Variants in VPS35 observed in about 807,000 individuals in gnomAD.
VPS35 encodes the protein VPS35 retromer complex component.
A neutral mutation model predicts 98.1 loss-of-function variants in VPS35; 21 were observed. The observed-to-expected ratio is 0.21, with a 90% CI of 0.15 to 0.31. VPS35 has a LOEUF of 0.31. VPS35 is among the 10% of genes least tolerant of loss of function. The pLI, the probability that VPS35 is intolerant of heterozygous loss-of-function variation, is 1.00. For synonymous variants in VPS35, 268 were observed against 318.2 expected (o/e 0.84, Z 1.68); for missense variants, 554 against 950.8 (o/e 0.58, Z 5.49).
chr16:46,688,491 G>A, intron 1 of VPS35: 1 of 987,538 alleles, frequency 1.0e-6, no homozygotes, highest in Non-Finnish European at 1.2e-6. Context: ...TGCGCCCAAT[G>A]CACAAATGCT....
chr16:46,660,189 GTGT>G lies in VPS35; in HGVS notation c.*280_*282del, dbSNP rs1567466776. 6 of 98,308 alleles carry G rather than the reference GTGT, an allele frequency of 6.1e-5. No homozygotes were observed. Among genetic ancestry groups the G allele is most frequent in the Admixed American group, 1.4e-4 (1 of 7,184 alleles). 6.1% of individuals were successfully genotyped at this position (98,308 alleles called of 1,614,324 possible). Reference sequence around the variant, plus strand: ...GCCAAGATAAGTGCTTGTGGGTTTTGTGTTTTTTTTTTTTTTTTTTTTTACAGA... The same window carrying G: ...GCCAAGATAAGTGCTTGTGGGTTTTGTTTTTTTTTTTTTTTTTTTTACAGA... On this transcript the variant is annotated 3_prime_UTR_variant, in exon 17 of 17. Coordinates refer to ENST00000299138, the MANE Select transcript of VPS35 (RefSeq NM_018206.6).
Position 46,660,135 on chromosome 16 carries a change from A to G in VPS35, c.*337T>C. On this transcript the variant is annotated 3_prime_UTR_variant, in exon 17 of 17. Transcript: ENST00000299138. ...ACAATCAACAATGAAGCAAACAAAC[A>G]AACAAAAAAAAGGAGAGCTTCATTA... The G allele has an allele frequency of 4.7e-6, 1 of 213,288 alleles. No individual in the cohort carries two copies. Among genetic ancestry groups the G allele is most frequent in the Non-Finnish European group, 9.4e-6 (1 of 106,580 alleles). The allele number at this position is 213,288 out of a possible 1,614,324, so 13.2% of individuals were successfully genotyped here. A position where few individuals can be genotyped will look rare whatever the true frequency, so the allele number is the denominator to read the frequency against.
chr16:46,675,246 C>G (rs1389391578), intron 8 of VPS35, among the ~76,000 whole-genome samples: 1 of 151,924 alleles, frequency 6.6e-6, no homozygotes, highest in African/African-American at 2.4e-5. Flanking sequence ...ATTAAAGTGA[C>G]AAATGTATTC....
chr16:46,665,062 C>A (rs2143006275), intron 13 of VPS35, among the ~76,000 whole-genome samples: 1 of 152,258 alleles, frequency 6.6e-6, no homozygotes, highest in African/African-American at 2.4e-5. Flanking sequence ...TATTTTAACA[C>A]CCTACTTACA....
intron 12 of VPS35, among the ~76,000 whole-genome samples, chr16:46,669,666 CAAAAAAAA>C (rs949838651): frequency 8.2e-5 from 5 of 60,746 alleles, no homozygotes; most frequent in Non-Finnish European, 1.3e-4. Context: ...GATTCCATCT[CAAAAAAAA>C]AAAAAAAGAA....
In VPS35 at chr16:46,662,294, G is replaced by T. The variant is rs746999621; in HGVS notation, c.2016C>A (p.Thr672=). The stretch of plus-strand genomic sequence containing the variant: ...TGCCAGACCAGAAGAGATGTGCACA[G>T]GTGCTCACAGCTCGGCCCTGATCAG... The part of the protein sequence containing the change: ...KKPDQGRAVS[T]CAHLFWSGRN... The change falls in exon 15 of 17, where the codon ACC becomes ACA. Residue 672 remains threonine, a synonymous_variant. Coordinates refer to ENST00000299138, the MANE Select transcript of VPS35 (RefSeq NM_018206.6). 1 of 1,614,156 alleles carries T rather than the reference G, an allele frequency of 6.2e-7. No homozygotes were observed. The highest frequency in any genetic ancestry group is 1.1e-5 in the South Asian group (1 of 91,074).
At chr16:46,680,541 C>A in intron 5 of VPS35, 130 bp downstream of exon 5, 1 of 971,712 alleles carries the variant, frequency 1.0e-6, no homozygotes, top group Non-Finnish European at 1.6e-6. Flanking sequence ...AATCTATATA[C>A]AAATGCTACC....
In VPS35 at chr16:46,661,008, G is replaced by C. The variant is rs893683406; in HGVS notation, c.2212-357C>G. On this transcript the variant is annotated intron_variant, in intron 16 of 16. Transcript: ENST00000299138. The surrounding 1 kb of genome is among the most constrained non-coding windows in gnomAD (Gnocchi z 4.3). Reference sequence around the variant, plus strand: ...GTAATAATACAAAAATTAGCTGGGCGTGGTGCCGGGCGCCTATAATACCAG... The same window carrying C: ...GTAATAATACAAAAATTAGCTGGGCCTGGTGCCGGGCGCCTATAATACCAG... The C allele has an allele frequency of 2.8e-6, 1 of 359,786 alleles. No individual in the cohort carries two copies. The highest frequency in any genetic ancestry group is 2.1e-5 in the African/African-American group (1 of 46,756). The allele number at this position is 359,786 out of a possible 1,614,324, so 22.3% of individuals were successfully genotyped here.
At chr16:46,663,564 AGGGGCGGGGTTTCACCAAGT>A (rs754782966) in intron 13 of VPS35, among the ~76,000 whole-genome samples, 9 of 151,230 alleles carry the variant, frequency 6.0e-5, no homozygotes, top group East Asian at 3.9e-4. Context: ...TATTTTTAGT[AGGGGCGGGGTTTCACCAAGT>A]GGGGCGGGGT....
intron 10 of VPS35, chr16:46,673,506 A>G (rs960443280): frequency 6.6e-6 from 1 of 152,430 alleles, no homozygotes; most frequent in African/African-American, 2.4e-5. Context: ...GACCCAAGCC[A>G]GAGCAGTGGG....
At chr16:46,686,867 C>T (rs891199758) in intron 1 of VPS35, among the ~76,000 whole-genome samples, 7 of 152,304 alleles carry the variant, frequency 4.6e-5, no homozygotes, top group African/African-American at 1.7e-4. Context: ...TAGCTTGAGA[C>T]CCACAAACAG....
intron 1 of VPS35, chr16:46,688,204 T>C (rs1250086613): frequency 6.6e-6 from 4 of 605,778 alleles, no homozygotes; most frequent in African/African-American, 4.0e-5. Context: ...GAAGCCTATC[T>C]ACACAGAGTG....
intron 10 of VPS35, among the ~76,000 whole-genome samples, chr16:46,673,114 T>C (rs1156613503): frequency 6.6e-6 from 1 of 151,940 alleles, no homozygotes; most frequent in Non-Finnish European, 1.5e-5. Flanking sequence ...TTTAGTTTTT[T>C]TAATTTAAAT....
rs1256556517 is a variant in VPS35 at position 46,682,092 on chromosome 16, A to T, written c.186T>A (p.Ser62Arg). 1.2e-6 allele frequency: 2 copies of T among 1,612,124 alleles called. No individual in the cohort carries two copies. Among genetic ancestry groups the T allele is most frequent in the African/African-American group, 2.7e-5 (2 of 74,882 alleles). ...TTCAAAAGATACAAAGTTCATAGTA[A>T]CTCTTTGGTGATAACATAGAAGTCC... ...ELRTSMLSPK[S>R]YYELYMAISD... Residue 62 changes from serine (S) to arginine (R), a missense_variant, in exon 3 of 17, where the codon AGT becomes AGA. Physicochemically the swap from Ser to Arg is moderately radical, Grantham distance 110. Coordinates refer to ENST00000299138, the MANE Select transcript of VPS35 (RefSeq NM_018206.6).
intron 13 of VPS35, 28 bp from the exon 14 acceptor site, chr16:46,663,190 A>G: frequency 6.3e-7 from 1 of 1,592,634 alleles, no homozygotes; most frequent in Non-Finnish European, 8.6e-7. Context: ...ATTTTAAGTT[A>G]CCTTAAATTC....
rs762907744 is a variant in VPS35 at position 46,662,972 on chromosome 16, CAG to C, written c.1827+9_1827+10del. On this transcript the variant is annotated intron_variant, in intron 14 of 16. Transcript: ENST00000299138. ...AGCTGACATGACAACGCAGAAAGAA[CAG>C]ATCATCACCTGGGACATGAATTCAT... 2 of 1,614,092 alleles carry C rather than the reference CAG, an allele frequency of 1.2e-6. No individual in the cohort carries two copies. The highest frequency in any genetic ancestry group is 2.7e-5 in the African/African-American group (2 of 74,940).
rs1321774353 is a variant in VPS35, at chr16:46,683,682, T to C, written c.4-76A>G. The C allele has an allele frequency of 7.2e-6, 10 of 1,394,722 alleles. No individual in the cohort carries two copies. The East Asian group carries it at 1.9e-4, about 27-fold the overall frequency. The allele number at this position is 1,394,722 out of a possible 1,614,324, so 86.4% of individuals were successfully genotyped here. A position where few individuals can be genotyped will look rare whatever the true frequency, so the allele number is the denominator to read the frequency against. On this transcript the variant is annotated intron_variant, in intron 1 of 16. Transcript: ENST00000299138. ...TACGTTATTTCTATAGTTCTAGCCATAGTCCTTCTCCAACAATGTCCAGCT... is the reference window on the plus strand; with the variant it reads ...TACGTTATTTCTATAGTTCTAGCCACAGTCCTTCTCCAACAATGTCCAGCT...
chr16:46,679,201 A>G (rs771754376), intron 5 of VPS35, 45 bp from the exon 6 acceptor site: 2 of 1,479,124 alleles, frequency 1.4e-6, no homozygotes, highest in Admixed American at 3.9e-5. Flanking sequence ...TACAGGACCA[A>G]CTTACTACTA....
intron 13 of VPS35, among the ~76,000 whole-genome samples, chr16:46,666,268 ATTT>A (rs747687406): frequency 3.8e-5 from 5 of 132,432 alleles, no homozygotes; most frequent in Non-Finnish European, 3.3e-5. Flanking sequence ...TAATTTTTTA[ATTT>A]TTTTTTTTTT....
Sources: allele counts gnomAD v4.1 joint callset (sites outside exome capture counted in the v4.1 genomes callset), GRCh38; gene constraint gnomAD v4.1.1; non-coding constraint Gnocchi (gnomAD v3.1); transcripts MANE v1.5; gene names NCBI Gene and HGNC (gene_info 2026-07-23, HGNC 2026-07-21).